PAFAH2: variants seen among roughly 807,000 people sequenced by gnomAD.
PAFAH2 encodes the protein platelet activating factor acetylhydrolase 2, also known as platelet-activating factor acetylhydrolase 2, cytoplasmic.
Under a neutral mutation model 49.0 loss-of-function variants are expected in PAFAH2, and 42 were observed. That is an observed-to-expected ratio of 0.86 (90% CI 0.67 to 1.11). The LOEUF is 1.11. Among genes scored for constraint, PAFAH2 ranks in the 50% least tolerant of loss-of-function variants. PAFAH2 has a pLI of 0.00. For synonymous variants in PAFAH2, 184 were observed against 181.3 expected, an observed-to-expected ratio of 1.01 and a Z score of -0.12; for missense variants, 503 against 501.8, an observed-to-expected ratio of 1.00 and a Z score of -0.02.
chr1:25,975,007 A>C (rs1490646626), intron 8 of PAFAH2, among the ~76,000 whole-genome samples: 1 of 152,138 alleles, frequency 6.6e-6, no homozygotes, highest in East Asian at 1.9e-4. Context: ...TATAGACATA[A>C]ATGAGTGTTC....
At chr1:25,986,189 C>T (rs1022682143) in intron 4 of PAFAH2, among the ~76,000 whole-genome samples, 1 of 152,102 alleles carries the variant, frequency 6.6e-6, no homozygotes, top group South Asian at 2.1e-4. Flanking sequence ...GAAAAATTAA[C>T]CTAATATAAT....
intron 8 of PAFAH2, among the ~76,000 whole-genome samples, chr1:25,976,202 G>A (rs1480579169): frequency 2.0e-5 from 3 of 152,106 alleles, no homozygotes; most frequent in East Asian, 1.9e-4. Flanking sequence ...GAAGTGGTGC[G>A]GTCAGAGCTC....
At chr1:25,985,581 T>C (rs577678836) in intron 4 of PAFAH2, among the ~76,000 whole-genome samples, 12 of 152,332 alleles carry the variant, frequency 7.9e-5, no homozygotes, top group African/African-American at 2.9e-4. Context: ...ACTCTCTCCA[T>C]AAATACCTGT....
At chr1:25,982,015 T>G (rs1447365936) in intron 7 of PAFAH2, among the ~76,000 whole-genome samples, 1 of 150,164 alleles carries the variant, frequency 6.7e-6, no homozygotes, top group Non-Finnish European at 1.5e-5. Flanking sequence ...AGCGAGACTT[T>G]GTCTCCAAAA....
In PAFAH2 at chr1:25,970,886, G is replaced by A. The variant is rs576271003; in HGVS notation, c.1084+1672C>T. Among the ~76,000 whole-genome samples the A allele has an allele frequency of 3.9e-5, 6 of 152,162 alleles. No homozygotes were observed. In the South Asian group the frequency reaches 8.3e-4, roughly 21 times the overall value. Reference sequence around the variant, plus strand: ...TTACAGATGTTGAGCTACCACACCCGGCCAGGGCACTACACTTTAGAAGGG... The same window carrying A: ...TTACAGATGTTGAGCTACCACACCCAGCCAGGGCACTACACTTTAGAAGGG... On this transcript the variant is annotated intron_variant, in intron 10 of 10. Transcript: ENST00000374282.
intron 9 of PAFAH2, among the ~76,000 whole-genome samples, chr1:25,973,374 A>T (rs912255580): frequency 1.3e-5 from 2 of 152,240 alleles, no homozygotes; most frequent in African/African-American, 4.8e-5. Context: ...TCTAAATGCT[A>T]AAGTATTTGT....
chr1:25,963,233 C>G (rs2049366962), intron 10 of PAFAH2, among the ~76,000 whole-genome samples: 1 of 152,230 alleles, frequency 6.6e-6, no homozygotes, highest in East Asian at 1.9e-4. Flanking sequence ...ATAAGTACTA[C>G]ATAGTCATTA....
At chr1:25,992,171 T>C (rs1455540153) in intron 1 of PAFAH2, among the ~76,000 whole-genome samples, 1 of 152,118 alleles carries the variant, frequency 6.6e-6, no homozygotes, top group Non-Finnish European at 1.5e-5. Flanking sequence ...GCTCAAACAA[T>C]ACACCTGCCT....
Position 25,984,865 on chromosome 1 carries a change from T to TC in PAFAH2, c.342-338_342-337insG, listed in dbSNP as rs1376674172. On this transcript the variant is annotated intron_variant, in intron 4 of 10. Coordinates refer to ENST00000374282, the MANE Select transcript of PAFAH2 (RefSeq NM_000437.4). ...GATTTCTTTTTTTTTTTTTTTTTTT[T>TC]TGAGACAGAGTCTCGCTCTGTTGCC... 3.4e-5 allele frequency among the ~76,000 whole-genome samples: 5 copies of TC among 148,398 alleles called. 1 individual carries two copies. The highest frequency in any genetic ancestry group is 3.3e-4 in the Admixed American group (5 of 14,926).
At chr1:25,979,793 A>G (rs1293945298) in intron 7 of PAFAH2, among the ~76,000 whole-genome samples, 1 of 151,550 alleles carries the variant, frequency 6.6e-6, no homozygotes, top group Non-Finnish European at 1.5e-5. Flanking sequence ...CCTGGCCTGA[A>G]TTTTGTATTT....
chr1:25,980,170 T>C (rs1156983719), intron 7 of PAFAH2, among the ~76,000 whole-genome samples: 1 of 152,234 alleles, frequency 6.6e-6, no homozygotes, highest in African/African-American at 2.4e-5. Flanking sequence ...AATTTCATGT[T>C]TGACTCTACC....
intron 1 of PAFAH2, among the ~76,000 whole-genome samples, chr1:25,991,749 C>T (rs868586548): frequency 2.6e-5 from 4 of 151,850 alleles, no homozygotes; most frequent in Non-Finnish European, 5.9e-5. Flanking sequence ...AAAAATTAGC[C>T]GGGTGCAGTG....
At chr1:25,988,393 G>A in intron 3 of PAFAH2, 66 bp from the exon 4 acceptor site, 1 of 1,169,318 alleles carries the variant, frequency 8.6e-7, no homozygotes. Context: ...GGCAGCCTGA[G>A]TATAGGTATG....
chr1:25,970,156 T>G (rs2049485791), intron 10 of PAFAH2, among the ~76,000 whole-genome samples: 1 of 152,212 alleles, frequency 6.6e-6, no homozygotes, highest in Non-Finnish European at 1.5e-5. Context: ...GTCATCCAAC[T>G]AAAAGGCTAG....
chr1:25,981,418 A>C (rs765931641), intron 7 of PAFAH2, among the ~76,000 whole-genome samples: 47 of 152,194 alleles, frequency 3.1e-4, no homozygotes, highest in Middle Eastern at 6.8e-3. Flanking sequence ...CTTCATAAGC[A>C]CCAAATTCCA....
At chr1:25,985,416 G>C (rs908676959) in intron 4 of PAFAH2, among the ~76,000 whole-genome samples, 3 of 152,212 alleles carry the variant, frequency 2.0e-5, no homozygotes, top group African/African-American at 7.2e-5. Context: ...CAGATGCAAT[G>C]AGAGGAAACA....
intron 10 of PAFAH2, among the ~76,000 whole-genome samples, chr1:25,969,873 C>T (rs1040081067): frequency 3.3e-5 from 5 of 152,094 alleles, no homozygotes; most frequent in Non-Finnish European, 7.4e-5. Flanking sequence ...GAGGACCAGG[C>T]AGTCAGGCGC....
chr1:25,983,898 G>C, intron 6 of PAFAH2, 48 bp downstream of exon 6: 1 of 1,598,856 alleles, frequency 6.3e-7, no homozygotes, highest in Non-Finnish European at 8.6e-7. Flanking sequence ...ATATAGTAGG[G>C]AGAGAACAGG....
intron 7 of PAFAH2, 83 bp from the exon 8 acceptor site, chr1:25,976,856 G>A (rs1002181967): frequency 1.8e-5 from 20 of 1,103,276 alleles, no homozygotes; most frequent in Non-Finnish European, 2.7e-5. Context: ...GGAAGAAATA[G>A]TGAGGCAATG....
Sources: gnomAD v4.1 joint callset for allele counts (sites outside exome capture counted in the v4.1 genomes callset) on GRCh38, gnomAD v4.1.1 for gene constraint, MANE v1.5 for transcripts, NCBI Gene and HGNC (gene_info 2026-07-23, HGNC 2026-07-21) for gene names.